Variants in NKAIN2 observed in about 807,000 individuals in gnomAD.
The protein encoded by NKAIN2 is sodium/potassium-transporting ATPase subunit beta-1-interacting protein 2.
In NKAIN2, 14 loss-of-function variants were observed where a neutral mutation model predicts 32.6. The ratio of observed to expected loss-of-function variants is 0.43; its 90% CI spans 0.28 to 0.67. NKAIN2 has a LOEUF of 0.67. Among genes scored for constraint, NKAIN2 ranks in the 30% least tolerant of loss-of-function variants. NKAIN2 has a pLI of 0.17. For missense variants in NKAIN2, 198 were observed against 258.3 expected (o/e 0.77, Z 1.60); for synonymous variants, 80 against 87.2 (o/e 0.92, Z 0.46).
At chr6:124,687,713 AAT>A (rs1250572429) in intron 4 of NKAIN2, among the ~76,000 whole-genome samples, 34 of 38,120 alleles carry the variant, frequency 8.9e-4, no homozygotes, top group African/African-American at 2.6e-3. Flanking sequence ...ATATGAATAT[AAT>A]ATATATAATA....
At chr6:124,679,607 G>T (rs1773525573) in intron 4 of NKAIN2, among the ~76,000 whole-genome samples, 1 of 152,150 alleles carries the variant, frequency 6.6e-6, no homozygotes, top group African/African-American at 2.4e-5. Flanking sequence ...CTCACAGAAA[G>T]AATGGATCCA....
At chr6:124,484,042 C>T (rs960269601) in intron 3 of NKAIN2, among the ~76,000 whole-genome samples, 3 of 152,226 alleles carry the variant, frequency 2.0e-5, no homozygotes, top group East Asian at 3.8e-4. Context: ...ACTAGAGTCA[C>T]TGGCATAAGT....
chr6:124,242,272 G>A (rs1480728066), intron 1 of NKAIN2, among the ~76,000 whole-genome samples: 2 of 151,932 alleles, frequency 1.3e-5, no homozygotes, highest in African/African-American at 2.4e-5. Context: ...ACATTTATAC[G>A]GCCAACAAAC....
chr6:123,847,786 C>T (rs1445453144), intron 1 of NKAIN2, among the ~76,000 whole-genome samples: 1 of 152,018 alleles, frequency 6.6e-6, no homozygotes, highest in Non-Finnish European at 1.5e-5. Context: ...AGTGGTGAAA[C>T]TTTATACTGG....
At chr6:124,667,712 C>G (rs1243175896) in intron 4 of NKAIN2, among the ~76,000 whole-genome samples, 1 of 151,988 alleles carries the variant, frequency 6.6e-6, no homozygotes, top group Non-Finnish European at 1.5e-5. Flanking sequence ...TTAGTGTTTT[C>G]AAATAAGAGC....
intron 4 of NKAIN2, among the ~76,000 whole-genome samples, chr6:124,668,632 T>G (rs906652682): frequency 2.0e-5 from 3 of 152,146 alleles, no homozygotes; most frequent in Non-Finnish European, 4.4e-5. Flanking sequence ...ATGTTTAGGT[T>G]GATTCAGTCC....
At chr6:124,247,391 A>G (rs1793462872) in intron 1 of NKAIN2, among the ~76,000 whole-genome samples, 1 of 152,168 alleles carries the variant, frequency 6.6e-6, no homozygotes, top group Non-Finnish European at 1.5e-5. Context: ...ACAAGAAATG[A>G]TAGTGAAGTG....
chr6:124,471,020 C>T (rs1395922618), intron 3 of NKAIN2, among the ~76,000 whole-genome samples: 2 of 152,094 alleles, frequency 1.3e-5, no homozygotes, highest in Non-Finnish European at 2.9e-5. Context: ...TCTATGGCTT[C>T]CCTTTGGCTA....
chr6:124,469,174 T>C (rs568182807), intron 3 of NKAIN2, among the ~76,000 whole-genome samples: 1 of 152,328 alleles, frequency 6.6e-6, no homozygotes, highest in Admixed American at 6.5e-5. Context: ...ATTTTAGTAA[T>C]TTATCAGAGT....
intron 2 of NKAIN2, among the ~76,000 whole-genome samples, chr6:124,330,996 A>G (rs2115049893): frequency 6.6e-6 from 1 of 152,186 alleles, no homozygotes; most frequent in East Asian, 1.9e-4. Flanking sequence ...TGTCCATGGA[A>G]AAATTATCTT....
chr6:124,561,764 C>T (rs975947233), intron 3 of NKAIN2, among the ~76,000 whole-genome samples: 3 of 152,136 alleles, frequency 2.0e-5, no homozygotes, highest in Non-Finnish European at 2.9e-5. Flanking sequence ...ATACTGTGTT[C>T]GGCTGAAATA....
intron 1 of NKAIN2, among the ~76,000 whole-genome samples, chr6:124,077,450 A>C (rs1783744675): frequency 6.6e-6 from 1 of 152,136 alleles, no homozygotes; most frequent in Admixed American, 6.6e-5. Context: ...ACTTCACTGG[A>C]AGAAGGTAAG....
In NKAIN2 at chr6:124,712,486, A is replaced by G. The variant is rs563471080; in HGVS notation, c.474+54100A>G. Among the ~76,000 whole-genome samples the G allele has an allele frequency of 2.2e-3, 198 of 89,724 alleles. 3 individuals are homozygous for G. Among genetic ancestry groups the G allele is most frequent in the Non-Finnish European group, 2.6e-3 (112 of 43,018 alleles). 58.9% of individuals were successfully genotyped at this position (89,724 alleles called of 152,430 possible). A position where few individuals can be genotyped will look rare whatever the true frequency, so the allele number is the denominator to read the frequency against. On this transcript the variant is annotated intron_variant, in intron 4 of 6. Coordinates refer to ENST00000368417, the MANE Select transcript of NKAIN2 (RefSeq NM_001040214.3). ...ATCAGCGAGACTCCGTGGGCGTAGG[A>G]CCCTCCAAGCCAGGTGCAGGATATA... is the stretch of plus-strand genomic sequence containing the variant.
At chr6:124,116,213 G>T (rs1785600550) in intron 1 of NKAIN2, among the ~76,000 whole-genome samples, 1 of 152,026 alleles carries the variant, frequency 6.6e-6, no homozygotes, top group Non-Finnish European at 1.5e-5. Flanking sequence ...TAAAGAATAT[G>T]TTAGAGATAC....
intron 1 of NKAIN2, among the ~76,000 whole-genome samples, chr6:124,141,878 A>C (rs1462191605): frequency 6.6e-6 from 1 of 152,164 alleles, no homozygotes; most frequent in Non-Finnish European, 1.5e-5. Flanking sequence ...CAACCAGTTC[A>C]CAACTCTAAT....
intron 4 of NKAIN2, among the ~76,000 whole-genome samples, chr6:124,756,460 C>G (rs995013534): frequency 1.3e-5 from 2 of 152,098 alleles, no homozygotes; most frequent in Admixed American, 1.3e-4. Context: ...TGCCTAGACT[C>G]AAGATCGCTA....
intron 3 of NKAIN2, among the ~76,000 whole-genome samples, chr6:124,505,529 C>G (rs1369630137): frequency 6.6e-6 from 1 of 152,188 alleles, no homozygotes; most frequent in Non-Finnish European, 1.5e-5. Context: ...GAAATAATTC[C>G]ATGCTGAGAC....
At chr6:124,309,532 C>G (rs961740488) in intron 2 of NKAIN2, among the ~76,000 whole-genome samples, 1 of 152,022 alleles carries the variant, frequency 6.6e-6, no homozygotes, top group East Asian at 1.9e-4. Context: ...ATGAAGACTT[C>G]TATCTATAAT....
chr6:123,924,154 A>C (rs1775900683), intron 1 of NKAIN2, among the ~76,000 whole-genome samples: 1 of 152,194 alleles, frequency 6.6e-6, no homozygotes, highest in South Asian at 2.1e-4. Context: ...GAAGAAATGC[A>C]TTTGGCAATT....
Sources: allele counts gnomAD v4.1 joint callset (sites outside exome capture counted in the v4.1 genomes callset), GRCh38; gene constraint gnomAD v4.1.1; transcripts MANE v1.5; gene names NCBI Gene and HGNC (gene_info 2026-07-23, HGNC 2026-07-21).